Variants in MYO1B observed in about 807,000 individuals in gnomAD.
The protein encoded by MYO1B is myosin IB.
MYO1B carries 72 observed loss-of-function variants against 159.7 expected under a neutral mutation model. The ratio of observed to expected loss-of-function variants is 0.45; its 90% CI spans 0.37 to 0.55. The LOEUF (loss-of-function observed/expected upper bound fraction) is 0.55. Ranked by LOEUF, MYO1B falls within the 20% of genes least tolerant of loss-of-function variation. The probability of loss-of-function intolerance (pLI) is 0.00; values close to 1 mark genes in which losing one functional copy is unlikely to be tolerated. For missense variants in MYO1B, 1,062 were observed against 1,364.8 expected, an observed-to-expected ratio of 0.78 and a Z score of 3.50; for synonymous variants, 468 against 473.8, an observed-to-expected ratio of 0.99 and a Z score of 0.16.
chr2:191,405,812 G>A (rs1028472145), intron 24 of MYO1B, among the ~76,000 whole-genome samples: 3 of 152,230 alleles, frequency 2.0e-5, no homozygotes, highest in African/African-American at 4.8e-5. Flanking sequence ...GCACACAGGC[G>A]GAGTAGATTT....
chr2:191,365,393 C>A (rs776573696), intron 11 of MYO1B, among the ~76,000 whole-genome samples: 1 of 152,148 alleles, frequency 6.6e-6, no homozygotes, highest in African/African-American at 2.4e-5. Flanking sequence ...GCCTTTATGT[C>A]TTTAGCTTTC....
chr2:191,344,828 T>A (rs1229734426), intron 5 of MYO1B, among the ~76,000 whole-genome samples: 5 of 21,190 alleles, frequency 2.4e-4, no homozygotes, highest in East Asian at 1.1e-3. Context: ...AGACTCCGTC[T>A]CAAAAAAAAA....
chr2:191,374,477 A>G (rs779416025), intron 13 of MYO1B, among the ~76,000 whole-genome samples: 19 of 152,204 alleles, frequency 1.2e-4, no homozygotes, highest in Admixed American at 1.3e-4. Context: ...ATGGCCCTGC[A>G]GTTCCCATGA....
At chr2:191,263,476 A>G (rs1686945279) in intron 1 of MYO1B, 1 of 224,980 alleles carries the variant, frequency 4.4e-6, no homozygotes, top group Non-Finnish European at 7.4e-6. Context: ...CTATTGAGAG[A>G]CAGACGTAAG....
intron 11 of MYO1B, among the ~76,000 whole-genome samples, chr2:191,368,193 G>T (rs1421010354): frequency 1.3e-5 from 2 of 152,194 alleles, no homozygotes; most frequent in African/African-American, 4.8e-5. Flanking sequence ...TATTTAGGAA[G>T]AAATGTAGAG....
intron 3 of MYO1B, among the ~76,000 whole-genome samples, chr2:191,323,169 A>C (rs1048882515): frequency 6.6e-6 from 1 of 152,146 alleles, no homozygotes; most frequent in African/African-American, 2.4e-5. Context: ...AATGAGCAGT[A>C]AGGAGGACCA....
intron 13 of MYO1B, among the ~76,000 whole-genome samples, chr2:191,374,433 G>A (rs937840314): frequency 7.2e-5 from 11 of 152,142 alleles, no homozygotes; most frequent in African/African-American, 2.7e-4. Context: ...ACTAAAGGGC[G>A]AGACTTTTTT....
chr2:191,335,198 T>C (rs1229988377), intron 4 of MYO1B, among the ~76,000 whole-genome samples: 1 of 152,188 alleles, frequency 6.6e-6, no homozygotes, highest in Non-Finnish European at 1.5e-5. Context: ...CTTAGCTACA[T>C]GCTTGGTAGC....
intron 7 of MYO1B, among the ~76,000 whole-genome samples, chr2:191,353,058 G>A (rs147124088): frequency 2.6e-5 from 4 of 152,230 alleles, no homozygotes; most frequent in East Asian, 1.9e-4. Flanking sequence ...AGGAAAGCCC[G>A]GTAACTCCTC....
At chr2:191,313,390 G>T (rs187261679) in intron 3 of MYO1B, among the ~76,000 whole-genome samples, 1 of 123,198 alleles carries the variant, frequency 8.1e-6, no homozygotes, top group East Asian at 2.4e-4. Context: ...TTTTGTCTTC[G>T]TTTTTGTTTT....
intron 1 of MYO1B, among the ~76,000 whole-genome samples, chr2:191,247,602 G>T (rs868507515): frequency 1.6e-4 from 24 of 152,324 alleles, no homozygotes; most frequent in Middle Eastern, 3.4e-3. Flanking sequence ...CTGGCAAAAC[G>T]TTGTGCTAGG....
chr2:191,399,268 G>GGGGAGAGGGAGAGGGAGA (rs59050648), intron 21 of MYO1B, among the ~76,000 whole-genome samples: 1 of 147,972 alleles, frequency 6.8e-6, no homozygotes, highest in African/African-American at 2.5e-5. Flanking sequence ...AGGAGACCGT[G>GGGGAGAGGGAGAGGGAGA]GGGAGAGGGA....
chr2:191,383,084 C>A (rs948032273), intron 14 of MYO1B, among the ~76,000 whole-genome samples, 196 bp from the exon 15 acceptor site: 5 of 152,188 alleles, frequency 3.3e-5, no homozygotes, highest in Non-Finnish European at 7.4e-5. Flanking sequence ...TTGCTTCAAT[C>A]AGATTATGTC....
chr2:191,360,760 T>G, intron 8 of MYO1B, 31 bp downstream of exon 8: 1 of 1,210,384 alleles, frequency 8.3e-7, no homozygotes. Flanking sequence ...GGTGTTGTTG[T>G]TGTTGTTGTT....
rs1247511918 is a variant in MYO1B, at chr2:191,414,299, C to A, written c.3006+119C>A. Reference sequence around the variant, plus strand: ...TCAGTAGAGTTAACTATGAAGGCGGCTATTTCCCCTTACCTTTAAGCTTAG... The same window carrying A: ...TCAGTAGAGTTAACTATGAAGGCGGATATTTCCCCTTACCTTTAAGCTTAG... On this transcript the variant is annotated intron_variant, in intron 28 of 30. Coordinates refer to ENST00000392318, the MANE Select transcript of MYO1B (RefSeq NM_001130158.3). The A allele has an allele frequency of 3.1e-6, 4 of 1,277,824 alleles. No homozygotes were observed. In the African/African-American group the frequency reaches 4.5e-5, roughly 14 times the overall value. The allele number at this position is 1,277,824 out of a possible 1,614,324, so 79.2% of individuals were successfully genotyped here.
At chr2:191,340,883 G>A (rs1391471012) in intron 4 of MYO1B, among the ~76,000 whole-genome samples, 1 of 151,900 alleles carries the variant, frequency 6.6e-6, no homozygotes, top group African/African-American at 2.4e-5. Flanking sequence ...GTGCCACCAT[G>A]CCCGGCTTAT....
chr2:191,384,700 A>G (rs973589468), intron 15 of MYO1B, among the ~76,000 whole-genome samples: 5 of 152,200 alleles, frequency 3.3e-5, no homozygotes, highest in Non-Finnish European at 7.3e-5. Context: ...TCTGATTAGT[A>G]TGTTTTCTTT....
chr2:191,396,037 G>A (rs1457647402), intron 20 of MYO1B, among the ~76,000 whole-genome samples: 2 of 152,202 alleles, frequency 1.3e-5, no homozygotes, highest in Admixed American at 1.3e-4. Flanking sequence ...GGTGGGTCCA[G>A]TAAGTAGCAT....
Position 191,402,637 on chromosome 2 carries a change from A to G in MYO1B, c.2475A>G (p.Arg825=). 6.2e-7 allele frequency: 1 copy of G among 1,613,526 alleles called. No individual in the cohort carries two copies. The highest frequency in any genetic ancestry group is 2.2e-5 in the East Asian group (1 of 44,878). The stretch of plus-strand genomic sequence containing the variant: ...TACTATCTAAAACATTCTAGGCTCG[A>G]AGGGAATTGAAACGCTTGAAGGAGG... The part of the protein sequence containing the change: ...IWAYWLGSKA[R]RELKRLKEEA... The change falls in exon 24 of 31, where the codon CGA becomes CGG. Residue 825 remains arginine, a synonymous_variant. Transcript: ENST00000392318.
Sources: gnomAD v4.1 joint callset for allele counts (sites outside exome capture counted in the v4.1 genomes callset) on GRCh38, gnomAD v4.1.1 for gene constraint, MANE v1.5 for transcripts, NCBI Gene and HGNC (gene_info 2026-07-23, HGNC 2026-07-21) for gene names.